Variants in PREX2 observed in about 807,000 individuals in gnomAD.
PREX2 encodes phosphatidylinositol 3,4,5-trisphosphate-dependent Rac exchanger 2 protein.
PREX2 carries 107 observed loss-of-function variants against 203.2 expected under a neutral mutation model. The ratio of observed to expected loss-of-function variants is 0.53; its 90% confidence interval spans 0.45 to 0.62. The LOEUF (loss-of-function observed/expected upper bound fraction) is 0.62, where lower values mean the gene tolerates loss of function less well. PREX2 is among the 20% of genes least tolerant of loss of function. The probability of loss-of-function intolerance (pLI) is 0.00; values close to 1 mark genes in which losing one functional copy is unlikely to be tolerated. For missense variants in PREX2, 1,777 were observed against 1,955.9 expected, an observed-to-expected ratio of 0.91 and a Z score of 1.72; for synonymous variants, 672 against 663.6, an observed-to-expected ratio of 1.01 and a Z score of -0.19.
intron 35 of PREX2, among the ~76,000 whole-genome samples, chr8:68,188,213 G>A (rs1812227999): frequency 6.6e-6 from 1 of 152,152 alleles, no homozygotes; most frequent in Non-Finnish European, 1.5e-5. Context: ...CAATGTCATA[G>A]ATCAGATATG....
At chr8:68,058,058 C>T (rs1188207829) in intron 10 of PREX2, among the ~76,000 whole-genome samples, 3 of 152,222 alleles carry the variant, frequency 2.0e-5, no homozygotes, top group African/African-American at 7.2e-5. Context: ...CAGCACACTA[C>T]TGCCGCTTAC....
Position 68,056,961 on chromosome 8 carries a change from G to A in PREX2, c.1238+987G>A, listed in dbSNP as rs1250171734. Among the ~76,000 whole-genome samples the A allele has an allele frequency of 5.3e-5, 8 of 152,098 alleles. No homozygotes were observed. The East Asian group carries it at 1.5e-3, about 29-fold the overall frequency. ...GCTCACTGGGATGCCTTTTTAACCA[G>A]CGATGGGAACACACAACATAATCAT... On this transcript the variant is annotated intron_variant, in intron 10 of 39. Coordinates refer to ENST00000288368, the MANE Select transcript of PREX2 (RefSeq NM_024870.4).
At chr8:67,960,744 T>A (rs1805612006) in intron 1 of PREX2, among the ~76,000 whole-genome samples, 1 of 152,094 alleles carries the variant, frequency 6.6e-6, no homozygotes, top group Non-Finnish European at 1.5e-5. Context: ...TGCTCTTGTT[T>A]TGTTGTTTGT....
chr8:68,139,894 A>G (rs1811193001), intron 33 of PREX2, among the ~76,000 whole-genome samples: 1 of 152,210 alleles, frequency 6.6e-6, no homozygotes, highest in Non-Finnish European at 1.5e-5. Context: ...TTCTGTGGAT[A>G]TGTATAGAAT....
intron 4 of PREX2, among the ~76,000 whole-genome samples, chr8:68,024,276 A>G (rs1033668171): frequency 6.6e-6 from 1 of 152,056 alleles, no homozygotes; most frequent in African/African-American, 2.4e-5. Flanking sequence ...ATTGAGAATG[A>G]GATATTGAAA....
chr8:68,018,249 C>A (rs1807462898), intron 2 of PREX2, among the ~76,000 whole-genome samples: 1 of 151,762 alleles, frequency 6.6e-6, no homozygotes, highest in East Asian at 1.9e-4. Flanking sequence ...GGGAGGATCA[C>A]CCAAGGTCAG....
rs1283454127 is a variant in PREX2 at position 68,191,719 on chromosome 8, C to A, written c.4347-3C>A. On this transcript the variant is annotated splice_polypyrimidine_tract_variant and splice_region_variant and intron_variant, in intron 35 of 39. Coordinates refer to ENST00000288368, the MANE Select transcript of PREX2 (RefSeq NM_024870.4). ...TGATAATTTATTTCTTGGATTCTTA[C>A]AGGGCATTCTACTTGGACAAGTCAA... is the stretch of plus-strand genomic sequence containing the variant. The A allele has an allele frequency of 1.3e-6, 2 of 1,598,328 alleles. No individual in the cohort carries two copies. The highest frequency in any genetic ancestry group is 1.3e-5 in the African/African-American group (1 of 74,718).
At chr8:68,138,055 TATAAG>T (rs1811147974) in intron 32 of PREX2, among the ~76,000 whole-genome samples, 9 of 152,248 alleles carry the variant, frequency 5.9e-5, no homozygotes, top group Admixed American at 5.9e-4. Flanking sequence ...TTTCAGATGT[TATAAG>T]ATTTTAGAAG....
intron 11 of PREX2, among the ~76,000 whole-genome samples, chr8:68,063,490 A>G (rs1374297330): frequency 6.6e-6 from 1 of 152,130 alleles, no homozygotes; most frequent in African/African-American, 2.4e-5. Flanking sequence ...TAGACCCTGC[A>G]TGAGGAGAGC....
At chr8:67,976,364 A>G (rs762054960) in intron 1 of PREX2, among the ~76,000 whole-genome samples, 3 of 152,016 alleles carry the variant, frequency 2.0e-5, no homozygotes, top group Non-Finnish European at 2.9e-5. Flanking sequence ...ACCCTGGAAT[A>G]TGAAACACTG....
chr8:68,065,113 T>C (rs1487176658), intron 11 of PREX2, among the ~76,000 whole-genome samples: 1 of 152,218 alleles, frequency 6.6e-6, no homozygotes, highest in Non-Finnish European at 1.5e-5. Context: ...TCAGCGTTTT[T>C]CTAAGGCAAC....
In PREX2 at chr8:68,157,284, T is replaced by C. The variant is rs201653392; in HGVS notation, c.4232-38T>C. On this transcript the variant is annotated intron_variant, in intron 34 of 39. Transcript: ENST00000288368. ...TACTACACGTGGAGAAATTGAGTTA[T>C]AAAGTTGCTTGTAAAATATGTTTAC... 321 of 1,138,354 alleles carry C rather than the reference T, an allele frequency of 2.8e-4. 5 individuals carry two copies. In the East Asian group the frequency reaches 7.6e-3, roughly 27 times the overall value. 70.5% of individuals were successfully genotyped at this position (1,138,354 alleles called of 1,614,324 possible).
At chr8:68,088,364 A>G (rs1809765663) in intron 19 of PREX2, among the ~76,000 whole-genome samples, 2 of 152,226 alleles carry the variant, frequency 1.3e-5, no homozygotes, top group Non-Finnish European at 2.9e-5. Context: ...TTAAATTGAC[A>G]CTAGCAACAA....
chr8:68,157,412 T>A lies in PREX2; in HGVS notation c.4322T>A (p.Val1441Asp). 6.2e-7 allele frequency: 1 copy of A among 1,609,300 alleles called. No homozygotes were observed. The highest frequency in any genetic ancestry group is 1.3e-5 in the African/African-American group (1 of 74,880). Residue 1441 changes from valine (V) to aspartate (D), a missense_variant, in exon 35 of 40, where the codon GTC becomes GAC. Coordinates refer to ENST00000288368, the MANE Select transcript of PREX2 (RefSeq NM_024870.4). ...ATAAATGCAGCCTCACTGGAAAAGG[T>A]CAAACAGTACAACCAGAAGCTCAGG... Reference protein sequence around the residue: ...AQINAASLEKVKQYNQKLRAF... With the variant: ...AQINAASLEKDKQYNQKLRAF...
At chr8:68,080,643 T>C in intron 16 of PREX2, 58 bp downstream of exon 16, 20 of 1,481,834 alleles carry the variant, frequency 1.3e-5, no homozygotes, top group Non-Finnish European at 1.9e-5. Context: ...AGCAGAAGAC[T>C]GCGTTAAACA....
chr8:68,136,766 C>T (rs1811121003), intron 32 of PREX2, among the ~76,000 whole-genome samples: 1 of 152,126 alleles, frequency 6.6e-6, no homozygotes, highest in Admixed American at 6.5e-5. Flanking sequence ...ACAGTTCTTC[C>T]AACCTCTTTG....
intron 33 of PREX2, among the ~76,000 whole-genome samples, chr8:68,141,962 A>G (rs1811239487): frequency 6.6e-6 from 1 of 152,182 alleles, no homozygotes; most frequent in South Asian, 2.1e-4. Flanking sequence ...TGCACTTTTT[A>G]AAAAGCCTTT....
chr8:68,070,722 T>C (rs967228534), intron 13 of PREX2, among the ~76,000 whole-genome samples: 2 of 152,168 alleles, frequency 1.3e-5, no homozygotes, highest in African/African-American at 4.8e-5. Context: ...TTAGTGTTTC[T>C]ATTTTTCACT....
chr8:68,106,282 CT>C, intron 23 of PREX2: 1 of 505,188 alleles, frequency 2.0e-6, no homozygotes, highest in South Asian at 1.5e-5. Context: ...TGGGAAAGAA[CT>C]TTTGACTGAA....
Sources: gnomAD v4.1 joint callset for allele counts (sites outside exome capture counted in the v4.1 genomes callset) on GRCh38, gnomAD v4.1.1 for gene constraint, MANE v1.5 for transcripts, NCBI Gene and HGNC (gene_info 2026-07-23, HGNC 2026-07-21) for gene names.